Variants in ZNF469 observed in about 807,000 individuals in gnomAD.
The protein encoded by ZNF469 is zinc finger protein 469.
ZNF469 carries 1 observed loss-of-function variant against 1.0 expected under a neutral mutation model. That is an observed-to-expected ratio of 1.00 (90% confidence interval 0.35 to 4.73). The LOEUF (loss-of-function observed/expected upper bound fraction) is 4.73, where lower values mean the gene tolerates loss of function less well. Ranked by LOEUF, ZNF469 falls within the 30% of genes most tolerant of loss-of-function variation. The pLI is 0.16. For missense variants in ZNF469, 6,100 were observed against 5,356.3 expected (o/e 1.14, Z -4.33); for synonymous variants, 2,703 against 2,363.4 (o/e 1.14, Z -4.17).
At position 88,439,180 on chromosome 16, in the gene ZNF469, C is replaced by T; in HGVS notation, c.11710C>T (p.Pro3904Ser). The change falls in exon 3 of 3, where the codon CCC becomes TCC. Residue 3904 changes from proline (P) to serine (S), a missense_variant. By Grantham distance (74) the Pro-to-Ser change is moderately conservative (BLOSUM62 -1). Transcript: ENST00000565624. ...CCCCCAGGGGAGACCCCTGCTCAGG[C>T]CCCCCAAGAGGGGCACAGCTGTCCA... is the stretch of plus-strand genomic sequence containing the variant. ...AFPQGRPLLR[P>S]PKRGTAVHGA... The T allele has an allele frequency of 6.4e-7, 1 of 1,550,464 alleles. No individual in the cohort carries two copies. The highest frequency in any genetic ancestry group is 2.4e-5 in the East Asian group (1 of 40,930).
At chr16:88,297,370 C>T in the ZNF469 span, among the ~76,000 whole-genome samples, 1 of 152,206 alleles carries the variant, frequency 6.6e-6, no homozygotes, top group African/African-American at 2.4e-5. Flanking sequence ...GCTCAGCCAC[C>T]CTCCACGTCC....
chr16:88,393,128 C>T (rs1904535140), intron 1 of ZNF469, among the ~76,000 whole-genome samples: 1 of 152,298 alleles, frequency 6.6e-6, no homozygotes, highest in Admixed American at 6.5e-5. Context: ...ACGCGGCTGG[C>T]AGCTGTGGCC....
chr16:88,192,323 C>T, the ZNF469 span: 3 of 152,124 alleles, frequency 2.0e-5, no homozygotes, highest in Admixed American at 1.3e-4. Flanking sequence ...TGGCACTCAC[C>T]AGGCCATGCT....
chr16:88,355,045 G>A, the ZNF469 span, among the ~76,000 whole-genome samples: 1 of 152,162 alleles, frequency 6.6e-6, no homozygotes, highest in Non-Finnish European at 1.5e-5. Context: ...AGGGAACGTG[G>A]GCTCGCGGCC....
At chr16:88,246,239 C>T in the ZNF469 span, among the ~76,000 whole-genome samples, 2 of 152,258 alleles carry the variant, frequency 1.3e-5, no homozygotes, top group Admixed American at 6.5e-5. Context: ...CATTCACTTA[C>T]TCATGTTTTC....
chr16:88,252,250 A>G, the ZNF469 span, among the ~76,000 whole-genome samples: 1 of 145,440 alleles, frequency 6.9e-6, no homozygotes, highest in Non-Finnish European at 1.5e-5. Flanking sequence ...TGCACAGTCT[A>G]ATTGTCAGCC....
chr16:88,267,758 G>A, the ZNF469 span, among the ~76,000 whole-genome samples: 1,949 of 150,596 alleles, frequency 0.013, 93 homozygotes, highest in African/African-American at 0.046. Flanking sequence ...CTGGGGGCAG[G>A]GGGTCAGCAG....
At chr16:88,214,500 T>C in the ZNF469 span, among the ~76,000 whole-genome samples, 6 of 152,092 alleles carry the variant, frequency 3.9e-5, no homozygotes, top group South Asian at 6.3e-4. Flanking sequence ...ATGGTTTTAT[T>C]TTAGTTCTTT....
chr16:88,393,782 C>T (rs544029709), intron 1 of ZNF469, among the ~76,000 whole-genome samples: 1 of 152,354 alleles, frequency 6.6e-6, no homozygotes, highest in African/African-American at 2.4e-5. Context: ...AGGCCAGGGC[C>T]GGTGTGCGAC....
the ZNF469 span, among the ~76,000 whole-genome samples, chr16:88,354,616 T>G: frequency 1.7e-5 from 1 of 57,476 alleles, no homozygotes; most frequent in Non-Finnish European, 3.6e-5. Flanking sequence ...GCGAAGGCGC[T>G]TCTCACCGCG....
upstream of ZNF469, among the ~76,000 whole-genome samples, chr16:88,381,150 TCA>T (rs368929813): frequency 6.1e-5 from 3 of 49,148 alleles, no homozygotes; most frequent in Non-Finnish European, 1.2e-4. Flanking sequence ...ACACACACAC[TCA>T]CACACAGACA....
the ZNF469 span, among the ~76,000 whole-genome samples, chr16:88,129,426 C>G: frequency 9.3e-6 from 1 of 107,180 alleles, no homozygotes; most frequent in African/African-American, 2.6e-5. Flanking sequence ...CCGTACTTTG[C>G]ACATACCGTT....
the ZNF469 span, among the ~76,000 whole-genome samples, chr16:88,269,288 G>A: frequency 7.8e-4 from 118 of 152,130 alleles, no homozygotes; most frequent in African/African-American, 2.6e-3. Flanking sequence ...GCACCCAGGC[G>A]GCTTGGCCTG....
the ZNF469 span, among the ~76,000 whole-genome samples, chr16:88,284,999 G>A: frequency 2.0e-5 from 3 of 152,254 alleles, no homozygotes; most frequent in South Asian, 2.1e-4. Context: ...CCAGGCAGCC[G>A]ACTCTGAGCC....
At chr16:88,239,957 A>G in the ZNF469 span, among the ~76,000 whole-genome samples, 2 of 148,460 alleles carry the variant, frequency 1.3e-5, no homozygotes, top group Non-Finnish European at 3.0e-5. Context: ...AGGTATTACA[A>G]TCTGATGGTG....
At chr16:88,419,368 G>A (rs981494618) in intron 1 of ZNF469, among the ~76,000 whole-genome samples, 4 of 152,286 alleles carry the variant, frequency 2.6e-5, no homozygotes, top group Admixed American at 6.5e-5. Context: ...CAAACAGACC[G>A]GGAGAGCTCA....
At chr16:88,401,939 C>G (rs796663718) in intron 1 of ZNF469, among the ~76,000 whole-genome samples, 1 of 16,094 alleles carries the variant, frequency 6.2e-5, no homozygotes. Context: ...TGGATAGATA[C>G]GTGGGTGGAT....
rs924621296 is a variant in ZNF469 at position 88,435,032 on chromosome 16, A to G, written c.7562A>G (p.Gln2521Arg). The change falls in exon 3 of 3, where the codon CAA (glutamine) becomes CGA (arginine). Residue 2521 changes from glutamine to arginine, a missense_variant. Coordinates refer to ENST00000565624, the MANE Select transcript of ZNF469 (RefSeq NM_001367624.2). ...CAGCAGCCTCTAGAGCCCCTAGCCC[A>G]AAAGTGCCAGCCGCCCAGGAAGAAA... ...PAQQPLEPLAQKCQPPRKKSH... is the reference protein window; with the variant it reads ...PAQQPLEPLARKCQPPRKKSH... 6.4e-7 allele frequency: 1 copy of G among 1,550,388 alleles called. No homozygotes were observed. The highest frequency in any genetic ancestry group is 8.7e-7 in the Non-Finnish European group (1 of 1,146,984).
At chr16:88,364,873 G>C in the ZNF469 span, among the ~76,000 whole-genome samples, 1 of 152,174 alleles carries the variant, frequency 6.6e-6, no homozygotes, top group Non-Finnish European at 1.5e-5. Flanking sequence ...GCTGAGACAG[G>C]AGAATCCGTT....
Sources: allele counts gnomAD v4.1 joint callset (sites outside exome capture counted in the v4.1 genomes callset), GRCh38; gene constraint gnomAD v4.1.1; transcripts MANE v1.5; gene names NCBI Gene and HGNC (gene_info 2026-07-23, HGNC 2026-07-21).